Variants in DMD observed in about 807,000 individuals in gnomAD.
DMD encodes mutant dystrophin.
DMD carries 63 observed loss-of-function variants against 330.1 expected under a neutral mutation model. That is an observed-to-expected ratio of 0.19 (90% CI 0.16 to 0.24). DMD has a LOEUF of 0.24. Ranked by LOEUF, DMD falls within the 10% of genes least tolerant of loss-of-function variation. The probability of loss-of-function intolerance (pLI) is 1.00; values close to 1 mark genes in which losing one functional copy is unlikely to be tolerated. For missense variants in DMD, 3,344 were observed against 2,684.1 expected, an observed-to-expected ratio of 1.25 and a Z score of -5.43; for synonymous variants, 1,223 against 959.8, an observed-to-expected ratio of 1.27 and a Z score of -5.07.
intron 9 of DMD, among the ~76,000 whole-genome samples, chrX:32,647,582 G>A (rs1230360194): frequency 1.8e-5 from 2 of 111,548 alleles, no homozygotes; most frequent in Admixed American, 9.6e-5. Context: ...TGATGATATA[G>A]AAAGAAAGGG....
chrX:33,084,810 G>C (rs753565316), intron 1 of DMD, among the ~76,000 whole-genome samples: 1 of 112,001 alleles, frequency 8.9e-6, no homozygotes, highest in East Asian at 2.8e-4. Flanking sequence ...GGGCTGTTAT[G>C]ATGTTTGTTT....
At chrX:32,560,390 A>T (rs1208009415) in intron 16 of DMD, among the ~76,000 whole-genome samples, 2 of 111,216 alleles carry the variant, frequency 1.8e-5, no homozygotes, top group Admixed American at 1.9e-4. Flanking sequence ...AATGCTTCAA[A>T]TCACATACAT....
At chrX:32,826,838 T>A (rs752959901) in intron 4 of DMD, among the ~76,000 whole-genome samples, 1 of 110,661 alleles carries the variant, frequency 9.0e-6, no homozygotes, top group East Asian at 2.8e-4. Flanking sequence ...GAGAATAGAT[T>A]TTAAGTGTCC....
At chrX:31,977,711 C>T (rs1223321632) in intron 44 of DMD, among the ~76,000 whole-genome samples, 3 of 107,189 alleles carry the variant, frequency 2.8e-5, no homozygotes, top group African/African-American at 1.0e-4. Flanking sequence ...TACTCTCCTT[C>T]ATGGAATTAG....
Position 31,120,756 on chromosome X carries a change from G to A in DMD, c.*1163C>T, listed in dbSNP as rs1252491155. 9.1e-6 allele frequency: 1 copy of A among 110,326 alleles called. No homozygotes were observed. The highest frequency in any genetic ancestry group is 1.9e-5 in the Non-Finnish European group (1 of 52,844). The allele number at this position is 110,326 out of a possible 1,213,427, so 9.1% of individuals were successfully genotyped here. On this transcript the variant is annotated 3_prime_UTR_variant, in exon 79 of 79. Coordinates refer to ENST00000357033, the MANE Select transcript of DMD (RefSeq NM_004006.3). Reference sequence around the variant, plus strand: ...ATCATCGTCCTGCTACTGCTTGGGAGTTAAAAAATACCTTCTGATGTTCAC... The same window carrying A: ...ATCATCGTCCTGCTACTGCTTGGGAATTAAAAAATACCTTCTGATGTTCAC...
At chrX:32,806,792 A>T (rs148295551) in intron 7 of DMD, among the ~76,000 whole-genome samples, 1 of 96,272 alleles carries the variant, frequency 1.0e-5, no homozygotes, top group Admixed American at 1.2e-4. Flanking sequence ...TAAGAAACTC[A>T]CTCAAAACCA....
chrX:33,186,012 G>A, intron 1 of DMD, among the ~76,000 whole-genome samples: 1 of 111,765 alleles, frequency 8.9e-6, no homozygotes, highest in Admixed American at 9.5e-5. Context: ...TCAGTTTTAT[G>A]ACTAAAGAAG....
At chrX:32,251,930 C>G (rs1257933400) in intron 43 of DMD, among the ~76,000 whole-genome samples, 1 of 111,356 alleles carries the variant, frequency 9.0e-6, no homozygotes, top group Non-Finnish European at 1.9e-5. Flanking sequence ...CCAAGGAGTT[C>G]AAGGCTGCAG....
chrX:31,822,653 G>GGGTGTGTGTGT (rs58903799), intron 49 of DMD, among the ~76,000 whole-genome samples: 1,601 of 65,829 alleles, frequency 0.024, 53 homozygotes, highest in African/African-American at 0.052. Context: ...AAGGCAGAGG[G>GGGTGTGTGTGT]GTGTGTGTGT....
Position 32,762,239 on chromosome X carries a change from G to C in DMD, c.649+47254C>G, listed in dbSNP as rs139486466. 1.4e-4 allele frequency among the ~76,000 whole-genome samples: 15 copies of C among 110,476 alleles called. No homozygotes were observed. The East Asian group carries it at 4.3e-3, about 32-fold the overall frequency. The stretch of plus-strand genomic sequence containing the variant: ...CTCTCCTGCAGGAGAGTGTTACTGA[G>C]TTAAGCAATCAGGAGAAATGAAACT... On this transcript the variant is annotated intron_variant, in intron 7 of 78. Transcript: ENST00000357033.
chrX:32,506,837 C>A (rs191474640), intron 18 of DMD, among the ~76,000 whole-genome samples: 4 of 111,566 alleles, frequency 3.6e-5, no homozygotes, highest in South Asian at 3.7e-4. Flanking sequence ...TTTCCAGGAA[C>A]GTGCACAATC....
At chrX:32,313,656 C>T (rs757684481) in intron 41 of DMD, among the ~76,000 whole-genome samples, 7 of 111,554 alleles carry the variant, frequency 6.3e-5, no homozygotes, top group African/African-American at 1.6e-4. Context: ...AAAACCCCAT[C>T]GTCTCAGCCC....
chrX:32,028,621 C>G (rs1403498885), intron 44 of DMD, among the ~76,000 whole-genome samples: 1 of 111,183 alleles, frequency 9.0e-6, no homozygotes, highest in Non-Finnish European at 1.9e-5. Flanking sequence ...ACAGAATGCT[C>G]GAGTATAATC....
chrX:31,711,517 T>G (rs2084638524), intron 52 of DMD, among the ~76,000 whole-genome samples: 1 of 111,600 alleles, frequency 9.0e-6, no homozygotes, highest in Admixed American at 9.6e-5. Context: ...ATGTAAAGCA[T>G]CAAGAAAGTT....
chrX:32,405,884 G>A (rs1465718395), intron 30 of DMD, among the ~76,000 whole-genome samples: 2 of 111,712 alleles, frequency 1.8e-5, no homozygotes, highest in African/African-American at 6.5e-5. Context: ...CTACCCATGA[G>A]CATGGAATGT....
intron 12 of DMD, among the ~76,000 whole-genome samples, chrX:32,597,441 G>A (rs1341278273): frequency 9.0e-6 from 1 of 111,602 alleles, no homozygotes; most frequent in Non-Finnish European, 1.9e-5. Flanking sequence ...AACATGCACA[G>A]ATGAGTTTGT....
chrX:31,590,026 A>C (rs965174033), intron 55 of DMD, among the ~76,000 whole-genome samples: 3 of 111,709 alleles, frequency 2.7e-5, no homozygotes, highest in Non-Finnish European at 5.7e-5. Flanking sequence ...GGAAGTAAAC[A>C]ATAAGGGAAA....
intron 4 of DMD, among the ~76,000 whole-genome samples, chrX:32,834,675 C>T (rs2079452726): frequency 9.0e-6 from 1 of 111,445 alleles, no homozygotes; most frequent in African/African-American, 3.3e-5. Context: ...TTTGTAGTAT[C>T]CCACATTGTA....
At chrX:32,478,070 C>G (rs1485386388) in intron 21 of DMD, among the ~76,000 whole-genome samples, 2 of 111,580 alleles carry the variant, frequency 1.8e-5, no homozygotes, top group African/African-American at 6.5e-5. Context: ...ATATATGGCT[C>G]ACATTATTTT....
Sources: allele counts gnomAD v4.1 joint callset (sites outside exome capture counted in the v4.1 genomes callset), GRCh38; gene constraint gnomAD v4.1.1; transcripts MANE v1.5; gene names NCBI Gene and HGNC (gene_info 2026-07-23, HGNC 2026-07-21).